The following BIRC2 variants were observed in gnomAD, a reference collection of about 807,000 sequenced individuals.
BIRC2 encodes baculoviral IAP repeat-containing protein 2.
In BIRC2, 18 loss-of-function variants were observed where a neutral mutation model predicts 60.9. The ratio of observed to expected loss-of-function variants is 0.30; its 90% CI spans 0.20 to 0.44. The LOEUF (loss-of-function observed/expected upper bound fraction) is 0.44. Ranked by LOEUF, BIRC2 falls within the 20% of genes least tolerant of loss-of-function variation. The pLI, the probability that BIRC2 is intolerant of heterozygous loss-of-function variation, is 1.00. For synonymous variants in BIRC2, 282 were observed against 247.7 expected (o/e 1.14, Z -1.30); for missense variants, 701 against 728.5 (o/e 0.96, Z 0.43).
At chr11:102,359,213 G>A (rs1040239603) in intron 3 of BIRC2, among the ~76,000 whole-genome samples, 1 of 152,004 alleles carries the variant, frequency 6.6e-6, no homozygotes, top group African/African-American at 2.4e-5. Context: ...AATTTCAATT[G>A]CATTAAAAAA....
intron 6 of BIRC2, among the ~76,000 whole-genome samples, chr11:102,368,974 A>G (rs1951587356): frequency 6.6e-6 from 1 of 151,942 alleles, no homozygotes; most frequent in African/African-American, 2.4e-5. Flanking sequence ...AATCCTTGCT[A>G]AGTGATCCTC....
In BIRC2 at chr11:102,377,435, A is replaced by G. The variant is rs1177839293; in HGVS notation, c.1367-61A>G. ...TTTGTAGGGTTGGTTATTAGTGACTATATGAGTATAGTTAAAGGAGTTTAA... is the reference window on the plus strand; with the variant it reads ...TTTGTAGGGTTGGTTATTAGTGACTGTATGAGTATAGTTAAAGGAGTTTAA... On this transcript the variant is annotated intron_variant, in intron 6 of 8. Coordinates refer to ENST00000227758, the MANE Select transcript of BIRC2 (RefSeq NM_001166.5). The G allele has an allele frequency of 4.8e-6, 7 of 1,459,366 alleles. No homozygotes were observed. In the East Asian group the frequency reaches 6.9e-5, roughly 14 times the overall value. 90.4% of individuals were successfully genotyped at this position (1,459,366 alleles called of 1,614,324 possible).
In BIRC2 at chr11:102,349,676, G is replaced by C. The variant is rs574978692; in HGVS notation, c.-179G>C. ...AGAGTTGTGTTCTAAGTAGTATCTTGGTAATTCAGAGAGATACTCATCCTA... is the reference window on the plus strand; with the variant it reads ...AGAGTTGTGTTCTAAGTAGTATCTTCGTAATTCAGAGAGATACTCATCCTA... On this transcript the variant is annotated 5_prime_UTR_variant, in exon 2 of 9. Coordinates refer to ENST00000227758, the MANE Select transcript of BIRC2 (RefSeq NM_001166.5). 4.8e-6 allele frequency: 3 copies of C among 628,584 alleles called. No individual in the cohort carries two copies. In the East Asian group the frequency reaches 8.6e-5, roughly 18 times the overall value. 38.9% of individuals were successfully genotyped at this position (628,584 alleles called of 1,614,324 possible).
rs1425646130 is a variant in BIRC2, at chr11:102,371,844, A to C, written c.1366+3296A>C. On this transcript the variant is annotated intron_variant, in intron 6 of 8. Coordinates refer to ENST00000227758, the MANE Select transcript of BIRC2 (RefSeq NM_001166.5). ...CTATTGATTATTGCCACAATTTCAGATCCTGTTATTGGTCTATTCAGAGAT... is the reference window on the plus strand; with the variant it reads ...CTATTGATTATTGCCACAATTTCAGCTCCTGTTATTGGTCTATTCAGAGAT... 6.6e-3 allele frequency among the ~76,000 whole-genome samples: 997 copies of C among 151,846 alleles called. 10 individuals carry two copies. Among genetic ancestry groups the C allele is most frequent in the African/African-American group, 0.022 (912 of 41,270 alleles).
rs1278660955 is a variant in BIRC2 at position 102,378,213 on chromosome 11, A to G, written c.*30A>G. The G allele has an allele frequency of 5.3e-6, 8 of 1,501,424 alleles. No homozygotes were observed. Among genetic ancestry groups the G allele is most frequent in the Non-Finnish European group, 7.1e-6 (8 of 1,121,380 alleles). 93.0% of individuals were successfully genotyped at this position (1,501,424 alleles called of 1,614,324 possible). A position where few individuals can be genotyped will look rare whatever the true frequency, so the allele number is the denominator to read the frequency against. On this transcript the variant is annotated 3_prime_UTR_variant, in exon 9 of 9. Transcript: ENST00000227758. ...AAATAGTCTATATTTTAACCTGCATAAAAAGGTCTTTAAAATATTGTTGAA... is the reference window on the plus strand; with the variant it reads ...AAATAGTCTATATTTTAACCTGCATGAAAAGGTCTTTAAAATATTGTTGAA...
intron 3 of BIRC2, among the ~76,000 whole-genome samples, chr11:102,352,594 G>T (rs1392369107): frequency 2.0e-5 from 3 of 151,962 alleles, no homozygotes; most frequent in Non-Finnish European, 4.4e-5. Context: ...TGTATTTTTA[G>T]TAGAGACAGG....
chr11:102,377,418 G>C, intron 6 of BIRC2, 78 bp from the exon 7 acceptor site: 1 of 1,274,312 alleles, frequency 7.8e-7, no homozygotes, highest in Non-Finnish European at 1.1e-6. Flanking sequence ...TGTTTGTAGG[G>C]TTGGTTATTA....
chr11:102,369,886 G>A (rs1213128834), intron 6 of BIRC2, among the ~76,000 whole-genome samples: 1 of 147,136 alleles, frequency 6.8e-6, no homozygotes, highest in Non-Finnish European at 1.5e-5. Context: ...ATCTCATTGT[G>A]GTTTTGATTT....
intron 3 of BIRC2, among the ~76,000 whole-genome samples, chr11:102,353,959 A>G (rs371602646): frequency 3.3e-5 from 5 of 152,284 alleles, no homozygotes; most frequent in African/African-American, 1.2e-4. Context: ...ATGTATACCA[A>G]AATTCGCACA....
intron 1 of BIRC2, chr11:102,347,816 T>TTG (rs1345143111): frequency 1.3e-5 from 2 of 152,220 alleles, no homozygotes; most frequent in Non-Finnish European, 2.9e-5. Flanking sequence ...CTGTTGTGTA[T>TTG]TGTGAGAAGC....
At position 102,350,092 on chromosome 11, in the gene BIRC2, A is replaced by C; in HGVS notation, c.238A>C (p.Lys80Gln). 1 of 1,614,212 alleles carries C rather than the reference A, an allele frequency of 6.2e-7. No homozygotes were observed. Residue 80 changes from lysine (K) to glutamine (Q), a missense_variant, in exon 2 of 9, where the codon AAG (lysine) becomes CAG (glutamine). This residue lies in a region of BIRC2 where 375 missense variants were observed against 365.9 expected (regional missense o/e 1.02). Transcript: ENST00000227758. ...AGFYYTGVND[K>Q]VKCFCCGLML... The stretch of plus-strand genomic sequence containing the variant: ...TTTTTATTATACTGGTGTGAATGAC[A>C]AGGTCAAATGCTTCTGTTGTGGCCT...
chr11:102,366,336 T>C (rs929698641), intron 5 of BIRC2, among the ~76,000 whole-genome samples: 53 of 152,134 alleles, frequency 3.5e-4, no homozygotes, highest in African/African-American at 1.2e-3. Context: ...TCATAACATA[T>C]GCCAAATCTG....
At chr11:102,376,862 G>T (rs982826220) in intron 6 of BIRC2, among the ~76,000 whole-genome samples, 1 of 152,154 alleles carries the variant, frequency 6.6e-6, no homozygotes, top group Non-Finnish European at 1.5e-5. Flanking sequence ...GGAAACTGAG[G>T]TGTATGGGGA....
chr11:102,368,824 T>A (rs1350149324), intron 6 of BIRC2, among the ~76,000 whole-genome samples: 1 of 152,226 alleles, frequency 6.6e-6, no homozygotes, highest in Non-Finnish European at 1.5e-5. Context: ...TTGAGCTGTA[T>A]TCCATTTCTT....
intron 3 of BIRC2, among the ~76,000 whole-genome samples, chr11:102,352,102 CTTTT>C (rs769740458): frequency 2.9e-5 from 4 of 137,556 alleles, no homozygotes; most frequent in South Asian, 2.3e-4. Flanking sequence ...TTGTCTTTCT[CTTTT>C]TTTTTTTTTT....
Position 102,378,332 on chromosome 11 carries a change from C to G in BIRC2, c.*149C>G, listed in dbSNP as rs371595637. Reference sequence around the variant, plus strand: ...TGCTTTGGTACTAATAATCTTGTTTCTGAAAAGATGGTATCATATATTTAA... The same window carrying G: ...TGCTTTGGTACTAATAATCTTGTTTGTGAAAAGATGGTATCATATATTTAA... On this transcript the variant is annotated 3_prime_UTR_variant, in exon 9 of 9. Transcript: ENST00000227758. 2.2e-5 allele frequency: 13 copies of G among 600,084 alleles called. No individual in the cohort carries two copies. The African/African-American group carries it at 2.3e-4, about 11-fold the overall frequency. 37.2% of individuals were successfully genotyped at this position (600,084 alleles called of 1,614,324 possible). A position where few individuals can be genotyped will look rare whatever the true frequency, so the allele number is the denominator to read the frequency against.
At chr11:102,367,993 T>C (rs1951572849) in intron 5 of BIRC2, among the ~76,000 whole-genome samples, 1 of 152,242 alleles carries the variant, frequency 6.6e-6, no homozygotes, top group Non-Finnish European at 1.5e-5. Flanking sequence ...GAAATGACTA[T>C]ACATCAGAAT....
At chr11:102,369,088 A>G (rs958496270) in intron 6 of BIRC2, among the ~76,000 whole-genome samples, 14 of 152,098 alleles carry the variant, frequency 9.2e-5, no homozygotes, top group African/African-American at 3.4e-4. Flanking sequence ...TCCAGATAGT[A>G]TTAAGTCTCG....
At position 102,378,219 on chromosome 11, in the gene BIRC2, G is replaced by A. The variant is rs35806428; in HGVS notation, c.*36G>A. On this transcript the variant is annotated 3_prime_UTR_variant, in exon 9 of 9. Coordinates refer to ENST00000227758, the MANE Select transcript of BIRC2 (RefSeq NM_001166.5). ...TCTATATTTTAACCTGCATAAAAAG[G>A]TCTTTAAAATATTGTTGAACACTTG... 2,425 of 1,478,636 alleles carry A rather than the reference G, an allele frequency of 1.6e-3. 42 individuals are homozygous for A. In the African/African-American group the frequency reaches 0.03, roughly 19 times the overall value. The allele number at this position is 1,478,636 out of a possible 1,614,324, so 91.6% of individuals were successfully genotyped here.
Sources: gnomAD v4.1 joint callset for allele counts (sites outside exome capture counted in the v4.1 genomes callset) on GRCh38, gnomAD v4.1.1 for gene constraint, gnomAD v4.1.1 regional missense constraint, MANE v1.5 for transcripts, NCBI Gene and HGNC (gene_info 2026-07-23, HGNC 2026-07-21) for gene names.